Variants in DENND1A observed in about 807,000 individuals in gnomAD.
DENND1A encodes the protein DENN domain-containing protein 1A.
Under a neutral mutation model 113.7 loss-of-function variants are expected in DENND1A, and 51 were observed. That is an observed-to-expected ratio of 0.45 (90% CI 0.36 to 0.57). DENND1A has a LOEUF of 0.57. DENND1A is among the 20% of genes least tolerant of loss of function. DENND1A has a pLI of 0.00. For missense variants in DENND1A, 1,258 were observed against 1,395.9 expected (o/e 0.90, Z 1.57); for synonymous variants, 565 against 570.8 (o/e 0.99, Z 0.14).
chr9:123,402,894 G>A (rs534331904), intron 21 of DENND1A, among the ~76,000 whole-genome samples: 2 of 152,340 alleles, frequency 1.3e-5, no homozygotes, highest in South Asian at 4.1e-4. Flanking sequence ...CACCCAGGGA[G>A]CTCCGCGTCT....
chr9:123,480,274 C>T (rs2050228883), intron 13 of DENND1A, among the ~76,000 whole-genome samples: 1 of 152,150 alleles, frequency 6.6e-6, no homozygotes, highest in Non-Finnish European at 1.5e-5. Flanking sequence ...CTCCTCAAGG[C>T]ACCACTCTGG....
chr9:123,683,169 C>T (rs1233076243), intron 5 of DENND1A, among the ~76,000 whole-genome samples: 1 of 152,144 alleles, frequency 6.6e-6, no homozygotes, highest in Non-Finnish European at 1.5e-5. Flanking sequence ...TTTTATGAAG[C>T]CCATGTTGGA....
intron 5 of DENND1A, among the ~76,000 whole-genome samples, chr9:123,756,161 C>T (rs1478485649): frequency 6.6e-6 from 1 of 152,206 alleles, no homozygotes; most frequent in Non-Finnish European, 1.5e-5. Context: ...ATCCACCCAC[C>T]TCAGCGTCCC....
intron 19 of DENND1A, among the ~76,000 whole-genome samples, chr9:123,435,564 C>A (rs764330517): frequency 2.6e-5 from 4 of 152,216 alleles, no homozygotes; most frequent in African/African-American, 4.8e-5. Context: ...ATGCTTTTTG[C>A]AATCTATCAG....
intron 4 of DENND1A, among the ~76,000 whole-genome samples, chr9:123,761,646 T>C (rs1221421340): frequency 6.6e-6 from 1 of 152,208 alleles, no homozygotes; most frequent in Non-Finnish European, 1.5e-5. Context: ...TTCCCTTTTT[T>C]AATTCCTGGT....
intron 9 of DENND1A, among the ~76,000 whole-genome samples, chr9:123,643,606 C>T (rs2062143830): frequency 6.6e-6 from 1 of 152,158 alleles, no homozygotes; most frequent in Non-Finnish European, 1.5e-5. Context: ...ATATATGAAC[C>T]CTGAAACCAC....
intron 9 of DENND1A, among the ~76,000 whole-genome samples, chr9:123,650,190 C>A (rs558445823): frequency 6.6e-6 from 1 of 151,936 alleles, no homozygotes; most frequent in East Asian, 1.9e-4. Flanking sequence ...ATGAACTGCA[C>A]GTATGGTGTA....
chr9:123,506,255 G>A (rs1009670830), intron 13 of DENND1A, among the ~76,000 whole-genome samples: 3 of 152,150 alleles, frequency 2.0e-5, no homozygotes, highest in African/African-American at 7.2e-5. Context: ...TATGTATAAA[G>A]TGCTTTAATT....
At chr9:123,505,927 G>A (rs1398927851) in intron 13 of DENND1A, among the ~76,000 whole-genome samples, 1 of 152,048 alleles carries the variant, frequency 6.6e-6, no homozygotes. Context: ...GTGATCAAGA[G>A]GAGCAGGCTA....
chr9:123,666,631 T>C (rs2063504518), intron 8 of DENND1A, among the ~76,000 whole-genome samples: 1 of 152,172 alleles, frequency 6.6e-6, no homozygotes, highest in African/African-American at 2.4e-5. Context: ...AGAGAATGGC[T>C]AAACTACAGA....
intron 12 of DENND1A, among the ~76,000 whole-genome samples, chr9:123,580,780 C>T (rs2058850586): frequency 1.3e-5 from 2 of 152,212 alleles, no homozygotes. Flanking sequence ...CTACCCTGTC[C>T]TGACATGATT....
intron 21 of DENND1A, among the ~76,000 whole-genome samples, chr9:123,390,236 T>C (rs1342898187): frequency 2.0e-5 from 3 of 152,224 alleles, no homozygotes; most frequent in Non-Finnish European, 2.9e-5. Context: ...ACAGCATGAA[T>C]GCTGTGGAAG....
intron 1 of DENND1A, among the ~76,000 whole-genome samples, chr9:123,888,538 A>G (rs1340005570): frequency 6.6e-6 from 1 of 152,218 alleles, no homozygotes; most frequent in Admixed American, 6.5e-5. Context: ...AAACTGCTGG[A>G]CCGCAAAGAG....
At chr9:123,407,054 C>A (rs890759535) in intron 20 of DENND1A, among the ~76,000 whole-genome samples, 7 of 151,686 alleles carry the variant, frequency 4.6e-5, no homozygotes, top group African/African-American at 1.7e-4. Context: ...GTCAGAGTGC[C>A]GCTGAATGGC....
chr9:123,526,798 T>G (rs1486621830), intron 13 of DENND1A, among the ~76,000 whole-genome samples: 1 of 152,216 alleles, frequency 6.6e-6, no homozygotes, highest in Non-Finnish European at 1.5e-5. Context: ...TAAATATACA[T>G]TAGCTGTTCT....
At position 123,574,767 on chromosome 9, in the gene DENND1A, TA is replaced by T. The variant is rs1589197684; in HGVS notation, c.867+8401del. Among the ~76,000 whole-genome samples, 6 of 152,294 alleles carry T rather than the reference TA, an allele frequency of 3.9e-5. No individual in the cohort carries two copies. The East Asian group carries it at 1.2e-3, about 29-fold the overall frequency. On this transcript the variant is annotated intron_variant, in intron 12 of 23. Coordinates refer to ENST00000394215, the MANE Select transcript of DENND1A (RefSeq NM_001352964.2). ...CTATGGCTTTGGGCTGCTAAAAGCC[TA>T]AAACAAAACAGAACAGCCACAACAA... is the stretch of plus-strand genomic sequence containing the variant.
chr9:123,558,240 G>C lies in DENND1A; in HGVS notation c.868-545C>G, dbSNP rs375643091. ...GCTACATACCTAGCAACAAACTCAA[G>C]ACATGGGCCACATTCCAATCAAAGT... is the stretch of plus-strand genomic sequence containing the variant. On this transcript the variant is annotated intron_variant, in intron 12 of 23. Transcript: ENST00000394215. Among the ~76,000 whole-genome samples, 175 of 152,292 alleles carry C rather than the reference G, an allele frequency of 1.1e-3. 2 individuals carry two copies. The highest frequency in any genetic ancestry group is 4.0e-3 in the African/African-American group (166 of 41,562).
At chr9:123,698,147 A>G (rs1224531185) in intron 5 of DENND1A, among the ~76,000 whole-genome samples, 1 of 152,210 alleles carries the variant, frequency 6.6e-6, no homozygotes, top group African/African-American at 2.4e-5. Context: ...GGGGTAGAGG[A>G]CCCTGATTCT....
intron 13 of DENND1A, among the ~76,000 whole-genome samples, chr9:123,503,751 T>G (rs2052686415): frequency 6.6e-6 from 1 of 152,178 alleles, no homozygotes; most frequent in Non-Finnish European, 1.5e-5. Flanking sequence ...GCTGATTGGA[T>G]TCTGTGTTTC....
Sources: gnomAD v4.1 joint callset for allele counts (sites outside exome capture counted in the v4.1 genomes callset) on GRCh38, gnomAD v4.1.1 for gene constraint, MANE v1.5 for transcripts, NCBI Gene and HGNC (gene_info 2026-07-23, HGNC 2026-07-21) for gene names.